The following RBFOX2 variants were observed in gnomAD, a reference collection of about 807,000 sequenced individuals.
The protein encoded by RBFOX2 is RNA binding protein fox-1 homolog 2.
A neutral mutation model predicts 49.1 loss-of-function variants in RBFOX2; 10 were observed. That is an observed-to-expected ratio of 0.20 (90% CI 0.13 to 0.35). The LOEUF (loss-of-function observed/expected upper bound fraction) is 0.35, where lower values mean the gene tolerates loss of function less well. RBFOX2 is among the 10% of genes least tolerant of loss of function. The pLI is 1.00. For synonymous variants in RBFOX2, 183 were observed against 187.4 expected, an observed-to-expected ratio of 0.98 and a Z score of 0.19; for missense variants, 323 against 486.9, an observed-to-expected ratio of 0.66 and a Z score of 3.17.
intron 1 of RBFOX2, among the ~76,000 whole-genome samples, chr22:35,953,455 G>A (rs1603457447): frequency 6.6e-6 from 1 of 152,122 alleles, no homozygotes; most frequent in Admixed American, 6.5e-5. Flanking sequence ...TCCAGAACAG[G>A]TAAATTCATC....
chr22:35,981,545 G>A (rs2057455805), intron 1 of RBFOX2, among the ~76,000 whole-genome samples: 1 of 151,672 alleles, frequency 6.6e-6, no homozygotes, highest in Non-Finnish European at 1.5e-5. Flanking sequence ...AGGAGGCTGA[G>A]GCATAAGAAT....
intron 1 of RBFOX2, among the ~76,000 whole-genome samples, chr22:35,899,001 C>T (rs1437438010): frequency 1.3e-5 from 2 of 152,014 alleles, no homozygotes; most frequent in East Asian, 3.9e-4. Flanking sequence ...GCCTGTAATC[C>T]CAGCTACTCA....
At chr22:35,873,609 T>C (rs1034028916) in intron 1 of RBFOX2, among the ~76,000 whole-genome samples, 1 of 152,174 alleles carries the variant, frequency 6.6e-6, no homozygotes. Flanking sequence ...ACCCCAATTT[T>C]TTACATCCTG....
At chr22:35,821,658 T>C in intron 1 of RBFOX2, 1 of 472,724 alleles carries the variant, frequency 2.1e-6, no homozygotes, top group Non-Finnish European at 4.1e-6. Context: ...CTTCACTCTG[T>C]CAGTCCTTTG....
chr22:35,843,226 C>A (rs1008273465), upstream of RBFOX2, among the ~76,000 whole-genome samples: 1 of 152,044 alleles, frequency 6.6e-6, no homozygotes, highest in Non-Finnish European at 1.5e-5. Flanking sequence ...TAGGACATTT[C>A]CTGTATGTGT....
At chr22:35,802,579 C>CAA (rs72053630) in intron 2 of RBFOX2, among the ~76,000 whole-genome samples, 4,987 of 152,218 alleles carry the variant, frequency 0.033, 116 homozygotes, top group Admixed American at 0.057. Flanking sequence ...TTTTCACTGC[C>CAA]AGAGAGGGCA....
At chr22:35,908,163 G>A (rs2049337206) in intron 1 of RBFOX2, among the ~76,000 whole-genome samples, 1 of 152,074 alleles carries the variant, frequency 6.6e-6, no homozygotes, top group Non-Finnish European at 1.5e-5. Context: ...TCTTGAATTC[G>A]TATAATGAGA....
intron 2 of RBFOX2, among the ~76,000 whole-genome samples, chr22:35,788,414 G>C (rs1230432309): frequency 6.6e-6 from 1 of 151,746 alleles, no homozygotes; most frequent in Non-Finnish European, 1.5e-5. Context: ...CCCAATAGAA[G>C]TCTTCATTTC....
chr22:35,937,316 T>C (rs2053198635), intron 1 of RBFOX2, among the ~76,000 whole-genome samples: 1 of 152,194 alleles, frequency 6.6e-6, no homozygotes. Flanking sequence ...AACAAATAAA[T>C]CTTTACATTC....
intron 1 of RBFOX2, among the ~76,000 whole-genome samples, chr22:35,936,203 C>G (rs1445000510): frequency 1.3e-5 from 2 of 148,688 alleles, no homozygotes; most frequent in South Asian, 4.3e-4. Flanking sequence ...CAGAGCAAGA[C>G]CCTGTCTCAA....
At chr22:35,916,481 C>T (rs533735311) in intron 1 of RBFOX2, among the ~76,000 whole-genome samples, 2 of 152,288 alleles carry the variant, frequency 1.3e-5, no homozygotes, top group East Asian at 3.9e-4. Flanking sequence ...AGGGTTTCGC[C>T]ATGTTGTCCA....
chr22:35,930,702 C>T (rs894089145), intron 1 of RBFOX2, among the ~76,000 whole-genome samples: 1 of 151,886 alleles, frequency 6.6e-6, no homozygotes. Flanking sequence ...TGGTGGTGTG[C>T]GCCTGTAATG....
chr22:35,808,219 C>T lies in RBFOX2; in HGVS notation c.252+1561G>A, dbSNP rs775662464. Among the ~76,000 whole-genome samples the T allele has an allele frequency of 1.1e-4, 16 of 152,264 alleles. No individual in the cohort carries two copies. The East Asian group carries it at 1.5e-3, about 15-fold the overall frequency. On this transcript the variant is annotated intron_variant, in intron 2 of 11. Transcript: ENST00000405409. ...AATGCAGTCAATACATCAGCCTGTA[C>T]GTTTATGATTCTAGAACAAATGCTA...
intron 1 of RBFOX2, among the ~76,000 whole-genome samples, chr22:35,908,162 C>A (rs981363200): frequency 6.6e-6 from 1 of 152,122 alleles, no homozygotes; most frequent in African/African-American, 2.4e-5. Context: ...TTCTTGAATT[C>A]GTATAATGAG....
intron 1 of RBFOX2, among the ~76,000 whole-genome samples, chr22:35,957,867 T>C (rs1159098495): frequency 1.3e-5 from 2 of 152,214 alleles, no homozygotes; most frequent in Admixed American, 6.5e-5. Context: ...AATATGCCAA[T>C]TGATAACCAC....
intron 2 of RBFOX2, among the ~76,000 whole-genome samples, chr22:35,799,978 A>G (rs1200569567): frequency 6.7e-6 from 1 of 148,258 alleles, no homozygotes; most frequent in Non-Finnish European, 1.5e-5. Flanking sequence ...CCCACCCCCC[A>G]AAAAAGGTAA....
At chr22:35,843,943 C>T (rs1243895068), upstream of RBFOX2, among the ~76,000 whole-genome samples, 3 of 152,204 alleles carry the variant, frequency 2.0e-5, no homozygotes, top group South Asian at 2.1e-4. Context: ...GGTGTTCCAA[C>T]TCATTCTATC....
At chr22:35,931,675 T>C (rs1371848703) in intron 1 of RBFOX2, among the ~76,000 whole-genome samples, 2 of 152,060 alleles carry the variant, frequency 1.3e-5, no homozygotes, top group South Asian at 2.1e-4. Context: ...CTCAGGAGGC[T>C]GAGGTAGGAG....
chr22:35,791,923 C>T (rs925448086), intron 2 of RBFOX2, among the ~76,000 whole-genome samples: 3 of 152,140 alleles, frequency 2.0e-5, no homozygotes, highest in Non-Finnish European at 4.4e-5. Flanking sequence ...AAAAATGTGT[C>T]ATTCAAGAAT....
Sources: allele counts gnomAD v4.1 joint callset (sites outside exome capture counted in the v4.1 genomes callset), GRCh38; gene constraint gnomAD v4.1.1; transcripts MANE v1.5; gene names NCBI Gene and HGNC (gene_info 2026-07-23, HGNC 2026-07-21).